Variants in RANBP2 observed in about 807,000 individuals in gnomAD.
RANBP2 encodes the protein RAN binding protein 2, also known as E3 SUMO-protein ligase RanBP2.
RANBP2 carries 57 observed loss-of-function variants against 303.6 expected under a neutral mutation model. The ratio of observed to expected loss-of-function variants is 0.19; its 90% CI spans 0.15 to 0.23. RANBP2 has a LOEUF of 0.23. Among genes scored for constraint, RANBP2 ranks in the 10% least tolerant of loss-of-function variants. RANBP2 has a pLI of 1.00. For synonymous variants in RANBP2, 1,167 were observed against 1,301.5 expected (o/e 0.90, Z 2.23); for missense variants, 3,138 against 3,780.8 (o/e 0.83, Z 4.46).
At chr2:108,954,816 C>T in the RANBP2 span, among the ~76,000 whole-genome samples, 2 of 152,148 alleles carry the variant, frequency 1.3e-5, no homozygotes, top group South Asian at 2.1e-4. Context: ...GCTAGTATTA[C>T]AGGCGCCCGC....
At chr2:109,422,749 G>C in the RANBP2 span, among the ~76,000 whole-genome samples, 2 of 152,348 alleles carry the variant, frequency 1.3e-5, no homozygotes, top group African/African-American at 4.8e-5. Context: ...ATGAAATGCT[G>C]TGAGTAGGTT....
chr2:108,987,873 G>C, the RANBP2 span, among the ~76,000 whole-genome samples: 1 of 152,214 alleles, frequency 6.6e-6, no homozygotes, highest in Non-Finnish European at 1.5e-5. Context: ...AAGTGGCTAT[G>C]ACTTACAAAT....
the RANBP2 span, among the ~76,000 whole-genome samples, chr2:108,983,196 A>T: frequency 6.6e-6 from 1 of 152,154 alleles, no homozygotes; most frequent in South Asian, 2.1e-4. Flanking sequence ...CACATCCCCA[A>T]AGTGTACACT....
At chr2:109,027,264 A>AC in the RANBP2 span, among the ~76,000 whole-genome samples, 3 of 150,854 alleles carry the variant, frequency 2.0e-5, no homozygotes, top group Non-Finnish European at 3.0e-5. Context: ...AAAAAAAAAA[A>AC]CAAGGACCTC....
intron 25 of RANBP2, among the ~76,000 whole-genome samples, chr2:108,777,643 T>C (rs1290940732): frequency 1.3e-5 from 2 of 152,176 alleles, no homozygotes; most frequent in Non-Finnish European, 2.9e-5. Context: ...AGGGTTGTGC[T>C]AATTTATTGT....
chr2:108,981,113 T>G, the RANBP2 span, among the ~76,000 whole-genome samples: 1 of 152,064 alleles, frequency 6.6e-6, no homozygotes, highest in African/African-American at 2.4e-5. Flanking sequence ...CTCTCGGAAA[T>G]CCACATAATA....
chr2:109,370,158 G>A, the RANBP2 span, among the ~76,000 whole-genome samples: 5,561 of 152,184 alleles, frequency 0.037, 282 homozygotes, highest in African/African-American at 0.12. Flanking sequence ...CCCTTGGAGT[G>A]GCACCCGTCT....
Position 108,736,307 on chromosome 2 carries a change from A to C in RANBP2, c.782+58A>C, listed in dbSNP as rs1346173084. The stretch of plus-strand genomic sequence containing the variant: ...AAATTGCAGTTTTTCTTTTTGCAGT[A>C]AGTTCATTGCTCTAAACTTCTTCAC... On this transcript the variant is annotated intron_variant, in intron 6 of 28. Coordinates refer to ENST00000283195, the MANE Select transcript of RANBP2 (RefSeq NM_006267.5). The C allele has an allele frequency of 3.7e-6, 6 of 1,611,724 alleles. No homozygotes were observed. The East Asian group carries it at 6.7e-5, about 18-fold the overall frequency.
chr2:109,562,082 G>A, the RANBP2 span, among the ~76,000 whole-genome samples: 1 of 151,930 alleles, frequency 6.6e-6, no homozygotes, highest in African/African-American at 2.4e-5. Flanking sequence ...GGGTGGTGGT[G>A]CATGCCTATA....
the RANBP2 span, among the ~76,000 whole-genome samples, chr2:109,012,221 G>A: frequency 6.6e-6 from 1 of 152,192 alleles, no homozygotes; most frequent in African/African-American, 2.4e-5. Flanking sequence ...GGTGTCCTCA[G>A]GATTTTCCTC....
chr2:109,355,524 C>T, the RANBP2 span, among the ~76,000 whole-genome samples: 1 of 152,238 alleles, frequency 6.6e-6, no homozygotes, highest in Admixed American at 6.5e-5. Context: ...TGACCTACAA[C>T]TCCTGAAATA....
chr2:108,955,837 T>C, the RANBP2 span, among the ~76,000 whole-genome samples: 1 of 152,118 alleles, frequency 6.6e-6, no homozygotes, highest in Non-Finnish European at 1.5e-5. Context: ...CCATCCTGGC[T>C]AACACGGCGA....
At chr2:108,906,220 C>A in the RANBP2 span, 2 of 1,397,954 alleles carry the variant, frequency 1.4e-6, no homozygotes, top group Non-Finnish European at 2.0e-6. Flanking sequence ...TCCCTCAGTT[C>A]CCCTCACAGG....
the RANBP2 span, chr2:109,613,616 A>T: frequency 3.0e-6 from 1 of 336,264 alleles, no homozygotes. Context: ...GGCTCCGCAG[A>T]GGCTCCTCTC....
chr2:109,246,368 G>A, the RANBP2 span, among the ~76,000 whole-genome samples: 80 of 152,248 alleles, frequency 5.3e-4, no homozygotes, highest in African/African-American at 1.9e-3. Context: ...AGGGGGCAAG[G>A]CAACTCTCCG....
At chr2:109,199,587 T>TCAATC in the RANBP2 span, among the ~76,000 whole-genome samples, 1 of 978 alleles carries the variant, frequency 1.0e-3, no homozygotes. Flanking sequence ...TGGAATGGAA[T>TCAATC]GGAATGGAAT....
the RANBP2 span, among the ~76,000 whole-genome samples, chr2:109,229,781 C>T: frequency 6.6e-6 from 1 of 151,894 alleles, no homozygotes; most frequent in African/African-American, 2.4e-5. Context: ...CAGGCTCATC[C>T]ATGTTTTGGT....
chr2:109,494,511 C>T, the RANBP2 span, among the ~76,000 whole-genome samples: 1 of 152,200 alleles, frequency 6.6e-6, no homozygotes, highest in Non-Finnish European at 1.5e-5. Context: ...CACCAGAGAG[C>T]ACTTGGACTT....
the RANBP2 span, among the ~76,000 whole-genome samples, chr2:109,325,323 CTTTCTTTCTTTTTTT>C: frequency 8.4e-6 from 1 of 119,202 alleles, no homozygotes; most frequent in African/African-American, 3.2e-5. Context: ...TTCTTTCTTT[CTTTCTTTCTTTTTTT>C]TTTTTTTTTT....
Sources: allele counts gnomAD v4.1 joint callset (sites outside exome capture counted in the v4.1 genomes callset), GRCh38; gene constraint gnomAD v4.1.1; transcripts MANE v1.5; gene names NCBI Gene and HGNC (gene_info 2026-07-23, HGNC 2026-07-21).